PAPPA2: variants seen among roughly 807,000 people sequenced by gnomAD.
PAPPA2 encodes the protein pappalysin-2.
A neutral mutation model predicts 176.4 loss-of-function variants in PAPPA2; 86 were observed. The observed-to-expected ratio is 0.49, with a 90% CI of 0.41 to 0.58. PAPPA2 has a LOEUF of 0.58. Among genes scored for constraint, PAPPA2 ranks in the 20% least tolerant of loss-of-function variants. The probability of loss-of-function intolerance (pLI) is 0.00; values close to 1 mark genes in which losing one functional copy is unlikely to be tolerated. For synonymous variants in PAPPA2, 809 were observed against 852.2 expected, an observed-to-expected ratio of 0.95 and a Z score of 0.88; for missense variants, 2,073 against 2,256.9, an observed-to-expected ratio of 0.92 and a Z score of 1.65.
At chr1:176,774,213 A>G (rs910418220) in intron 17 of PAPPA2, among the ~76,000 whole-genome samples, 1 of 152,030 alleles carries the variant, frequency 6.6e-6, no homozygotes, top group Non-Finnish European at 1.5e-5. Flanking sequence ...TCTCTTTTCC[A>G]ACTTGTCAGG....
intron 1 of PAPPA2, among the ~76,000 whole-genome samples, chr1:176,503,178 C>G (rs1648065940): frequency 6.6e-6 from 1 of 152,092 alleles, no homozygotes; most frequent in Non-Finnish European, 1.5e-5. Context: ...CTGTTGACAT[C>G]CCTTGGCTTG....
chr1:176,687,443 A>C (rs905820100), intron 4 of PAPPA2, among the ~76,000 whole-genome samples: 1 of 152,176 alleles, frequency 6.6e-6, no homozygotes, highest in African/African-American at 2.4e-5. Context: ...ATTTGGAAAC[A>C]TCTCATTTGG....
intron 14 of PAPPA2, among the ~76,000 whole-genome samples, chr1:176,764,233 T>C (rs905471232): frequency 2.0e-5 from 3 of 152,158 alleles, no homozygotes; most frequent in South Asian, 4.1e-4. Flanking sequence ...CATGAGTTTT[T>C]TGGGGACAAA....
intron 12 of PAPPA2, among the ~76,000 whole-genome samples, chr1:176,718,937 T>C (rs911558805): frequency 6.6e-6 from 1 of 152,090 alleles, no homozygotes; most frequent in African/African-American, 2.4e-5. Context: ...ATACTATATA[T>C]ACTTTGTATA....
At chr1:176,761,442 G>T (rs756496481) in intron 14 of PAPPA2, among the ~76,000 whole-genome samples, 4 of 152,086 alleles carry the variant, frequency 2.6e-5, no homozygotes, top group Non-Finnish European at 5.9e-5. Flanking sequence ...AAGAGAGAGG[G>T]TATTGCCAAA....
intron 2 of PAPPA2, among the ~76,000 whole-genome samples, chr1:176,594,172 C>T (rs933446389): frequency 6.6e-6 from 1 of 152,196 alleles, no homozygotes; most frequent in East Asian, 1.9e-4. Context: ...TGAGGAAAGG[C>T]ATGGACTTAA....
At chr1:176,502,243 C>T (rs774047702) in intron 1 of PAPPA2, among the ~76,000 whole-genome samples, 1 of 152,084 alleles carries the variant, frequency 6.6e-6, no homozygotes, top group African/African-American at 2.4e-5. Context: ...TGGTGATGCC[C>T]CAAACAAGGT....
intron 17 of PAPPA2, among the ~76,000 whole-genome samples, chr1:176,773,282 C>T (rs1041962446): frequency 6.6e-6 from 1 of 152,168 alleles, no homozygotes; most frequent in Non-Finnish European, 1.5e-5. Context: ...CAGAAGTTTG[C>T]AAGTCTGGCA....
chr1:176,791,128 GA>G (rs1014558924), intron 18 of PAPPA2, among the ~76,000 whole-genome samples: 1 of 143,828 alleles, frequency 7.0e-6, no homozygotes, highest in Admixed American at 7.0e-5. Flanking sequence ...TTCATTAGTG[GA>G]AAAAAATTGT....
chr1:176,538,154 C>T (rs2206509), intron 1 of PAPPA2, among the ~76,000 whole-genome samples: 126,343 of 152,036 alleles, frequency 0.83, 52,648 homozygotes, highest in East Asian at 1. Flanking sequence ...CATTTCATTC[C>T]GTTCATACAC....
chr1:176,537,123 G>C (rs1015510416), intron 1 of PAPPA2, among the ~76,000 whole-genome samples: 2 of 152,120 alleles, frequency 1.3e-5, no homozygotes, highest in Non-Finnish European at 2.9e-5. Context: ...CTAGAGATTT[G>C]TTTTCTAAAG....
intron 17 of PAPPA2, among the ~76,000 whole-genome samples, chr1:176,780,212 A>T (rs1664651651): frequency 6.6e-6 from 1 of 152,158 alleles, no homozygotes; most frequent in Admixed American, 6.6e-5. Flanking sequence ...AGCACTTTCA[A>T]TCACGCCTGT....
intron 14 of PAPPA2, among the ~76,000 whole-genome samples, chr1:176,743,036 A>ACG (rs1193421823): frequency 1.3e-4 from 20 of 152,164 alleles, no homozygotes; most frequent in Admixed American, 9.8e-4. Context: ...GATGTTCATG[A>ACG]TCTTTGTCTT....
intron 3 of PAPPA2, among the ~76,000 whole-genome samples, chr1:176,615,070 A>T (rs1655128788): frequency 1.3e-5 from 2 of 152,220 alleles, no homozygotes; most frequent in Non-Finnish European, 2.9e-5. Context: ...GATTATAATA[A>T]CAAAGCATTT....
chr1:176,842,254 C>T (rs1395848035), intron 22 of PAPPA2, 126 bp from the exon 23 acceptor site: 5 of 813,430 alleles, frequency 6.1e-6, no homozygotes, highest in Non-Finnish European at 4.0e-6. Flanking sequence ...TGTTAATTTC[C>T]AGTTTGTGAT....
chr1:176,599,442 G>A (rs947159922), intron 3 of PAPPA2, among the ~76,000 whole-genome samples: 5 of 149,442 alleles, frequency 3.3e-5, no homozygotes, highest in African/African-American at 1.2e-4. Context: ...TACTCCTGGG[G>A]ATGAATCTAC....
chr1:176,597,928 A>G (rs1368293892), intron 3 of PAPPA2, among the ~76,000 whole-genome samples: 3 of 152,034 alleles, frequency 2.0e-5, no homozygotes, highest in Non-Finnish European at 2.9e-5. Flanking sequence ...AGTTCCTATC[A>G]CACTGCCCTT....
chr1:176,746,128 A>G (rs1311546565), intron 14 of PAPPA2, among the ~76,000 whole-genome samples: 1 of 152,224 alleles, frequency 6.6e-6, no homozygotes, highest in East Asian at 1.9e-4. Flanking sequence ...GGGAAAGCAC[A>G]TAGGAATGAA....
chr1:176,541,549 T>C (rs921747332), intron 1 of PAPPA2, among the ~76,000 whole-genome samples: 3 of 152,228 alleles, frequency 2.0e-5, no homozygotes, highest in African/African-American at 4.8e-5. Context: ...GATATTCCTC[T>C]AGTGCATAGA....
Sources: allele counts gnomAD v4.1 joint callset (sites outside exome capture counted in the v4.1 genomes callset), GRCh38; gene constraint gnomAD v4.1.1; transcripts MANE v1.5; gene names NCBI Gene and HGNC (gene_info 2026-07-23, HGNC 2026-07-21).